The following PKIG variants were observed in gnomAD, a reference collection of about 807,000 sequenced individuals.
PKIG encodes the protein cAMP-dependent protein kinase inhibitor gamma.
A neutral mutation model predicts 6.8 loss-of-function variants in PKIG; 1 was observed. The observed-to-expected ratio is 0.15, with a 90% CI of 0.05 to 0.69. The LOEUF is 0.69. Among genes scored for constraint, PKIG ranks in the 30% least tolerant of loss-of-function variants. The pLI is 0.82. For synonymous variants in PKIG, 39 were observed against 43.0 expected, an observed-to-expected ratio of 0.91 and a Z score of 0.36; for missense variants, 77 against 104.0, an observed-to-expected ratio of 0.74 and a Z score of 1.13.
intron 1 of PKIG, among the ~76,000 whole-genome samples, chr20:44,536,378 T>A (rs1420407874): frequency 2.0e-5 from 3 of 151,796 alleles, no homozygotes; most frequent in Non-Finnish European, 4.4e-5. Context: ...GCCTTCATAA[T>A]CAGAAAAAAA....
rs548402720 is a variant in PKIG, at chr20:44,553,690, T to C, written c.-241+21712T>C. Among the ~76,000 whole-genome samples, 10 of 152,310 alleles carry C rather than the reference T, an allele frequency of 6.6e-5. No homozygotes were observed. In the South Asian group the frequency reaches 2.1e-3, roughly 32 times the overall value. On this transcript the variant is annotated intron_variant, in intron 1 of 4. Coordinates refer to the PKIG transcript ENST00000372887. ...AATAAAAACATAGTGCCTGCTGTCATGGACCTTATACTCTAATGCTCGTTT... is the reference window on the plus strand; with the variant it reads ...AATAAAAACATAGTGCCTGCTGTCACGGACCTTATACTCTAATGCTCGTTT...
intron 1 of PKIG, among the ~76,000 whole-genome samples, chr20:44,554,001 T>G (rs145562170): frequency 6.6e-6 from 1 of 152,062 alleles, no homozygotes; most frequent in African/African-American, 2.4e-5. Context: ...AGAGGGAAGT[T>G]TGGCACAAAA....
Position 44,614,359 on chromosome 20 carries a change from G to A in PKIG, c.-23-175G>A, listed in dbSNP as rs773465656. 2.6e-5 allele frequency: 14 copies of A among 529,464 alleles called. No homozygotes were observed. Among genetic ancestry groups the A allele is most frequent in the Non-Finnish European group, 4.0e-5 (12 of 299,134 alleles). 32.8% of individuals were successfully genotyped at this position (529,464 alleles called of 1,614,324 possible). A position where few individuals can be genotyped will look rare whatever the true frequency, so the allele number is the denominator to read the frequency against. On this transcript the variant is annotated intron_variant, in intron 2 of 3. Coordinates refer to ENST00000372886, the MANE Select transcript of PKIG (RefSeq NM_001281445.2). The surrounding 1 kb of genome is among the most constrained non-coding windows in gnomAD (Gnocchi z 4.6). ...ATGTTGATGGTGGTTGTCTGGGTGT[G>A]GAATTATGAGTGACTTGTTTTGTTC...
In PKIG at chr20:44,589,847, G is replaced by A. The variant is rs1010989851; in HGVS notation, c.-43G>A. 1.3e-5 allele frequency: 2 copies of A among 152,262 alleles called. No homozygotes were observed. The highest frequency in any genetic ancestry group is 2.9e-5 in the Non-Finnish European group (2 of 68,026). The allele number at this position is 152,262 out of a possible 1,614,324, so 9.4% of individuals were successfully genotyped here. On this transcript the variant is annotated 5_prime_UTR_variant, in exon 2 of 4. Coordinates refer to ENST00000372886, the MANE Select transcript of PKIG (RefSeq NM_001281445.2). ...TGGAAAATCTGAAGAGATGCAAGCAGGAAAAAGAAATTAAACCAGGTAGGT... is the reference window on the plus strand; with the variant it reads ...TGGAAAATCTGAAGAGATGCAAGCAAGAAAAAGAAATTAAACCAGGTAGGT...
At chr20:44,536,449 G>T (rs894350471) in intron 1 of PKIG, among the ~76,000 whole-genome samples, 1 of 152,088 alleles carries the variant, frequency 6.6e-6, no homozygotes, top group African/African-American at 2.4e-5. Context: ...CAGTGGCAGC[G>T]GAAAGGGAAA....
At chr20:44,610,667 C>T (rs774175707) in intron 2 of PKIG, among the ~76,000 whole-genome samples, 3 of 152,212 alleles carry the variant, frequency 2.0e-5, no homozygotes, top group South Asian at 2.1e-4. Context: ...ACTTAGAAAA[C>T]GAAAGTTCCC....
intron 1 of PKIG, among the ~76,000 whole-genome samples, chr20:44,538,091 C>A (rs2064529116): frequency 1.3e-5 from 2 of 152,270 alleles, no homozygotes; most frequent in South Asian, 4.1e-4. Context: ...TTAAGGAACT[C>A]TTACAAAATG....
At chr20:44,615,300 G>T (rs1483824084) in intron 3 of PKIG, among the ~76,000 whole-genome samples, 1 of 152,178 alleles carries the variant, frequency 6.6e-6, no homozygotes, top group Non-Finnish European at 1.5e-5. Context: ...TCTCAGTCAA[G>T]CCTCTCCAAG....
At chr20:44,587,545 G>A (rs1373521647) in intron 1 of PKIG, among the ~76,000 whole-genome samples, 1 of 152,076 alleles carries the variant, frequency 6.6e-6, no homozygotes, top group Non-Finnish European at 1.5e-5. Context: ...GGTGACTTTT[G>A]TAGTCTAAAA....
At chr20:44,575,538 C>T (rs1290629476) in intron 1 of PKIG, among the ~76,000 whole-genome samples, 2 of 152,266 alleles carry the variant, frequency 1.3e-5, no homozygotes, top group African/African-American at 4.8e-5. Context: ...GGATAGGTCT[C>T]AGTTCATCTG....
chr20:44,541,509 CTG>C (rs964665497), intron 1 of PKIG, among the ~76,000 whole-genome samples: 28 of 152,000 alleles, frequency 1.8e-4, no homozygotes, highest in Admixed American at 1.1e-3. Flanking sequence ...GGCTGGTAGA[CTG>C]TGTTTTTATT....
chr20:44,600,887 C>T (rs1256969559), intron 2 of PKIG, among the ~76,000 whole-genome samples: 2 of 152,016 alleles, frequency 1.3e-5, no homozygotes, highest in Non-Finnish European at 2.9e-5. Flanking sequence ...AGCCAAATGA[C>T]ACGCTCAATA....
chr20:44,580,548 G>A (rs150300812), upstream of PKIG, among the ~76,000 whole-genome samples: 1,754 of 151,896 alleles, frequency 0.012, 43 homozygotes, highest in African/African-American at 0.041. Flanking sequence ...GAGTTTCACC[G>A]TGTTGCCCAA....
intron 2 of PKIG, among the ~76,000 whole-genome samples, chr20:44,593,405 ACACACAC>A (rs1384142130): frequency 2.1e-5 from 3 of 144,696 alleles, no homozygotes; most frequent in African/African-American, 7.6e-5. Flanking sequence ...ACACACACAC[ACACACAC>A]GACTATTACT....
chr20:44,561,755 G>A (rs536963926), intron 1 of PKIG, among the ~76,000 whole-genome samples: 9 of 152,196 alleles, frequency 5.9e-5, no homozygotes, highest in East Asian at 3.9e-4. Flanking sequence ...GTGGGACTGC[G>A]CCCAGCTTTA....
chr20:44,557,074 T>A (rs2064719369), intron 1 of PKIG, among the ~76,000 whole-genome samples: 1 of 152,220 alleles, frequency 6.6e-6, no homozygotes, highest in Middle Eastern at 3.2e-3. Context: ...TAAGGTCGTA[T>A]ATAAATAAAT....
intron 1 of PKIG, among the ~76,000 whole-genome samples, chr20:44,546,153 G>A (rs895270023): frequency 6.6e-6 from 1 of 152,098 alleles, no homozygotes; most frequent in Non-Finnish European, 1.5e-5. Context: ...GGAGGCTGAG[G>A]TGGGAGAATC....
At chr20:44,596,363 C>G (rs1211449830) in intron 2 of PKIG, among the ~76,000 whole-genome samples, 1 of 152,210 alleles carries the variant, frequency 6.6e-6, no homozygotes, top group African/African-American at 2.4e-5. Flanking sequence ...GGGCCTACGC[C>G]CCAGGCTGCC....
At chr20:44,548,061 C>A (rs1568805383) in intron 1 of PKIG, among the ~76,000 whole-genome samples, 2 of 152,010 alleles carry the variant, frequency 1.3e-5, no homozygotes, top group Non-Finnish European at 2.9e-5. Flanking sequence ...CACCTGTAAT[C>A]CCAGCTACTC....
Sources: allele counts gnomAD v4.1 joint callset (sites outside exome capture counted in the v4.1 genomes callset), GRCh38; gene constraint gnomAD v4.1.1; non-coding constraint Gnocchi (gnomAD v3.1); transcripts MANE v1.5; gene names NCBI Gene and HGNC (gene_info 2026-07-23, HGNC 2026-07-21).